The following PPP2R5E variants were observed in gnomAD, a reference collection of about 807,000 sequenced individuals.
The protein encoded by PPP2R5E is protein phosphatase 2 regulatory subunit B'epsilon, also known as serine/threonine-protein phosphatase 2A 56 kDa regulatory subunit epsilon isoform.
PPP2R5E carries 4 observed loss-of-function variants against 65.3 expected under a neutral mutation model. The observed-to-expected ratio is 0.06, with a 90% CI of 0.03 to 0.14. The LOEUF is 0.14. Ranked by LOEUF, PPP2R5E falls within the 10% of genes least tolerant of loss-of-function variation. PPP2R5E has a pLI of 1.00. For synonymous variants in PPP2R5E, 183 were observed against 187.4 expected, an observed-to-expected ratio of 0.98 and a Z score of 0.19; for missense variants, 274 against 556.1, an observed-to-expected ratio of 0.49 and a Z score of 5.10.
chr14:63,411,358 T>G (rs1401906615), intron 5 of PPP2R5E, among the ~76,000 whole-genome samples: 1 of 152,212 alleles, frequency 6.6e-6, no homozygotes, highest in Non-Finnish European at 1.5e-5. Flanking sequence ...TTCTAAAGGC[T>G]CCTATCTCAA....
chr14:63,537,829 T>A (rs1448721369), intron 2 of PPP2R5E, among the ~76,000 whole-genome samples: 4 of 152,170 alleles, frequency 2.6e-5, no homozygotes, highest in Non-Finnish European at 4.4e-5. Flanking sequence ...ATTCAGCACA[T>A]AAACATCCAC....
At position 63,391,981 on chromosome 14, in the gene PPP2R5E, G is replaced by C; in HGVS notation, c.894C>G (p.Leu298=). ...TGGAAAAAAGACTTACTGGTTCTGTGAGTGAAGGATCTTTCTCCAGAAACT... is the reference window on the plus strand; with the variant it reads ...TGGAAAAAAGACTTACTGGTTCTGTCAGTGAAGGATCTTTCTCCAGAAACT... The part of the protein sequence containing the change: ...IVQFLEKDPS[L]TEPVIRGLMK... The change falls in exon 9 of 14, where the codon CTC becomes CTG. Residue 298 remains leucine (L), a synonymous_variant. Coordinates refer to ENST00000337537, the MANE Select transcript of PPP2R5E (RefSeq NM_006246.5). 1 of 1,611,190 alleles carries C rather than the reference G, an allele frequency of 6.2e-7. No homozygotes were observed.
intron 2 of PPP2R5E, among the ~76,000 whole-genome samples, chr14:63,467,204 CAGAGCA>C (rs989677992): frequency 7.2e-6 from 1 of 138,212 alleles, no homozygotes; most frequent in Non-Finnish European, 1.5e-5. Context: ...GCCTGGGTGA[CAGAGCA>C]AGACTCCGTC....
At chr14:63,505,413 T>G (rs10148041) in intron 2 of PPP2R5E, among the ~76,000 whole-genome samples, 1 of 152,088 alleles carries the variant, frequency 6.6e-6, no homozygotes, top group Non-Finnish European at 1.5e-5. Flanking sequence ...CACTTTAAAA[T>G]TGAAGAAATC....
intron 3 of PPP2R5E, among the ~76,000 whole-genome samples, chr14:63,431,225 G>A (rs547063414): frequency 4.7e-5 from 7 of 150,288 alleles, no homozygotes; most frequent in South Asian, 2.1e-4. Context: ...CCAAGATCAC[G>A]CCACTGCACT....
chr14:63,429,045 T>G (rs1022610132), intron 3 of PPP2R5E, among the ~76,000 whole-genome samples: 1 of 152,224 alleles, frequency 6.6e-6, no homozygotes, highest in Non-Finnish European at 1.5e-5. Flanking sequence ...AGTGCTTTTT[T>G]AAAATTCATG....
chr14:63,478,962 T>C (rs989625076), intron 2 of PPP2R5E, among the ~76,000 whole-genome samples: 2 of 151,326 alleles, frequency 1.3e-5, no homozygotes, highest in African/African-American at 4.9e-5. Flanking sequence ...CATCTTGTAC[T>C]AAAAATCCAA....
chr14:63,461,126 A>G (rs916985979), intron 2 of PPP2R5E, among the ~76,000 whole-genome samples: 2 of 152,240 alleles, frequency 1.3e-5, no homozygotes, highest in African/African-American at 4.8e-5. Flanking sequence ...AAAGGTTCTG[A>G]CAAAGTCAAT....
chr14:63,467,386 A>ATTTTGATATAAT (rs1213246798), intron 2 of PPP2R5E, among the ~76,000 whole-genome samples: 6 of 152,104 alleles, frequency 3.9e-5, no homozygotes, highest in Admixed American at 3.3e-4. Flanking sequence ...CTTTTTCTGA[A>ATTTTGATATAAT]TTTTGATATA....
rs1232797460 is a variant in PPP2R5E at position 63,450,784 on chromosome 14, A to C, written c.354+2905T>G. Among the ~76,000 whole-genome samples the C allele has an allele frequency of 3.9e-5, 6 of 152,264 alleles. No individual in the cohort carries two copies. In the East Asian group the frequency reaches 1.2e-3, roughly 29 times the overall value. On this transcript the variant is annotated intron_variant, in intron 3 of 13. Coordinates refer to ENST00000337537, the MANE Select transcript of PPP2R5E (RefSeq NM_006246.5). ...AAATATGTGAAAAGACAAAAAAAAA[A>C]AAAAGGAGCAAATGAACAAATTCCC...
At chr14:63,437,936 C>G (rs1379605589) in intron 3 of PPP2R5E, among the ~76,000 whole-genome samples, 1 of 152,174 alleles carries the variant, frequency 6.6e-6, no homozygotes, top group Non-Finnish European at 1.5e-5. Flanking sequence ...TCCCTCTCCA[C>G]TACTTGGCCA....
At chr14:63,415,562 AACT>A (rs1251826735) in intron 4 of PPP2R5E, among the ~76,000 whole-genome samples, 2 of 152,154 alleles carry the variant, frequency 1.3e-5, no homozygotes, top group African/African-American at 4.8e-5. Flanking sequence ...CAGTTTTGCA[AACT>A]ACTTGTACCA....
chr14:63,390,386 C>G (rs908534447), intron 10 of PPP2R5E, among the ~76,000 whole-genome samples: 1 of 151,780 alleles, frequency 6.6e-6, no homozygotes, highest in Non-Finnish European at 1.5e-5. Context: ...CACCGGGTGC[C>G]GCAAGAAACA....
chr14:63,478,580 G>C (rs1951213), intron 2 of PPP2R5E, among the ~76,000 whole-genome samples: 49,778 of 151,884 alleles, frequency 0.33, 10,870 homozygotes, highest in African/African-American at 0.62. Flanking sequence ...GCAGATTCTG[G>C]AAAACACGGT....
chr14:63,384,659 A>G, intron 11 of PPP2R5E, 88 bp from the exon 12 acceptor site: 1 of 1,128,716 alleles, frequency 8.9e-7, no homozygotes, highest in East Asian at 2.5e-5. Flanking sequence ...AAAGTATTTC[A>G]AAAGGCTATT....
chr14:63,464,923 T>C (rs1889704723), intron 2 of PPP2R5E, among the ~76,000 whole-genome samples: 1 of 151,390 alleles, frequency 6.6e-6, no homozygotes, highest in African/African-American at 2.4e-5. Context: ...TTTGGGAGGC[T>C]GAGGCAGGAG....
chr14:63,488,306 T>C (rs1321559638), intron 2 of PPP2R5E, among the ~76,000 whole-genome samples: 1 of 152,016 alleles, frequency 6.6e-6, no homozygotes, highest in East Asian at 1.9e-4. Flanking sequence ...CAAGCAATCC[T>C]CCCACCTCAG....
chr14:63,524,244 A>G (rs1212721417), intron 2 of PPP2R5E, among the ~76,000 whole-genome samples: 1 of 152,224 alleles, frequency 6.6e-6, no homozygotes, highest in African/African-American at 2.4e-5. Context: ...GTGCCTACAT[A>G]ACGGATGAAC....
chr14:63,467,224 A>C lies in PPP2R5E; in HGVS notation c.158-13339T>G, dbSNP rs112936946. Reference sequence around the variant, plus strand: ...GGTGACAGAGCAAGACTCCGTCTCAAAAAAAACAAACAAACAAACAAAAAA... The same window carrying C: ...GGTGACAGAGCAAGACTCCGTCTCACAAAAAACAAACAAACAAACAAAAAA... On this transcript the variant is annotated intron_variant, in intron 2 of 13. Coordinates refer to ENST00000337537, the MANE Select transcript of PPP2R5E (RefSeq NM_006246.5). 9.1e-3 allele frequency among the ~76,000 whole-genome samples: 1,261 copies of C among 138,770 alleles called. 45 individuals carry two copies. The highest frequency in any genetic ancestry group is 0.039 in the African/African-American group (1,204 of 30,808). The allele number at this position is 138,770 out of a possible 152,430, so 91.0% of individuals were successfully genotyped here. A position where few individuals can be genotyped will look rare whatever the true frequency, so the allele number is the denominator to read the frequency against.
Sources: allele counts gnomAD v4.1 joint callset (sites outside exome capture counted in the v4.1 genomes callset), GRCh38; gene constraint gnomAD v4.1.1; transcripts MANE v1.5; gene names NCBI Gene and HGNC (gene_info 2026-07-23, HGNC 2026-07-21).